The following PERM1 variants were observed in gnomAD, a reference collection of about 807,000 sequenced individuals.
The protein encoded by PERM1 is PPARGC1 and ESRR induced regulator, muscle 1.
A neutral mutation model predicts 44.1 loss-of-function variants in PERM1; 45 were observed. The observed-to-expected ratio is 1.02, with a 90% confidence interval of 0.80 to 1.31. The LOEUF is 1.31. PERM1 is among the 50% of genes most tolerant of loss of function. The probability of loss-of-function intolerance (pLI) is 0.00; values close to 1 mark genes in which losing one functional copy is unlikely to be tolerated. For synonymous variants in PERM1, 565 were observed against 477.1 expected, an observed-to-expected ratio of 1.18 and a Z score of -2.40; for missense variants, 1,189 against 1,106.9, an observed-to-expected ratio of 1.07 and a Z score of -1.05.
intron 1 of PERM1, 151 bp downstream of exon 2, chr1:978,730 C>G (rs1570070480): frequency 4.3e-6 from 3 of 705,124 alleles, no homozygotes; most frequent in East Asian, 3.0e-5. Context: ...GGACTGTGTG[C>G]TGGGATGACT....
At chr1:980,872 G>A (rs1481980951) in exon 1 of PERM1, 21 of 1,405,874 alleles carry the variant, frequency 1.5e-5, no homozygotes, top group South Asian at 5.0e-5. Flanking sequence ...GGCCCTGGGG[G>A]GACTGCTGCC....
chr1:980,322 A>G (rs1455418841), exon 1 of PERM1: 1 of 1,550,276 alleles, frequency 6.5e-7, no homozygotes, highest in South Asian at 1.2e-5. Flanking sequence ...GGCCAGGCTC[A>G]GGAGCTCCTG....
exon 1 of PERM1, chr1:979,109 C>G: frequency 6.5e-7 from 1 of 1,549,748 alleles, no homozygotes; most frequent in Admixed American, 2.0e-5. Context: ...GGCACAGGAT[C>G]AGCTCTCGGG....
intron 1 of PERM1, 49 bp from the exon 3 acceptor site, chr1:976,673 C>A: frequency 6.5e-7 from 1 of 1,543,400 alleles, no homozygotes; most frequent in South Asian, 1.2e-5. Context: ...CAGAGATGGC[C>A]CCGCACACGC....
exon 1 of PERM1, chr1:980,361 G>C: frequency 1.3e-6 from 2 of 1,550,154 alleles, no homozygotes; most frequent in Non-Finnish European, 1.7e-6. Flanking sequence ...CCTCCTGCCC[G>C]GCTTTGGCCA....
At chr1:976,250 G>A in exon 3 of PERM1, 1 of 1,526,642 alleles carries the variant, frequency 6.6e-7, no homozygotes, top group Non-Finnish European at 8.8e-7. Flanking sequence ...CAGAGATGGT[G>A]CCGACGTTGG....
At position 976,636 on chromosome 1, in the gene PERM1, G is replaced by A; in HGVS notation, c.2150-12C>T. The A allele has an allele frequency of 4.5e-6, 7 of 1,548,954 alleles. No homozygotes were observed. The highest frequency in any genetic ancestry group is 4.9e-5 in the East Asian group (2 of 40,898). ...CCCCCGGAGCTCCCCTAGGACAGAAGCTCACCTTCAGCCCCACGGCTGCAC... is the reference window on the plus strand; with the variant it reads ...CCCCCGGAGCTCCCCTAGGACAGAAACTCACCTTCAGCCCCACGGCTGCAC... On this transcript the variant is annotated splice_polypyrimidine_tract_variant and intron_variant, in intron 1 of 2. Coordinates refer to ENST00000433179, the Ensembl canonical transcript of PERM1.
chr1:979,710 C>G, exon 1 of PERM1: 2 of 1,550,296 alleles, frequency 1.3e-6, no homozygotes, highest in Non-Finnish European at 1.7e-6. Context: ...GCCCGCTGGA[C>G]TCGGTCATCC....
exon 1 of PERM1, chr1:979,326 C>G (rs1177670196): frequency 3.3e-6 from 5 of 1,529,798 alleles, no homozygotes; most frequent in Middle Eastern, 1.7e-4. Flanking sequence ...GCCCGACCCT[C>G]GTCACGGCAG....
chr1:975,693 C>T (rs1643574631), exon 3 of PERM1: 1 of 159,036 alleles, frequency 6.3e-6, no homozygotes, highest in Non-Finnish European at 1.4e-5. Flanking sequence ...CCTGTGTCCT[C>T]TCCCCTGCCT....
upstream of PERM1, chr1:981,225 C>T: frequency 2.7e-6 from 4 of 1,508,900 alleles, no homozygotes; most frequent in Non-Finnish European, 2.7e-6. Flanking sequence ...TCCTTCAAAC[C>T]TAGTGGTGAC....
exon 1 of PERM1, chr1:980,079 T>C (rs1351406716): frequency 1.3e-6 from 2 of 1,548,468 alleles, no homozygotes; most frequent in South Asian, 1.2e-5. Context: ...CGGAGGCAGG[T>C]GTAGACACAG....
chr1:978,984 C>T, exon 1 of PERM1: 1 of 1,522,100 alleles, frequency 6.6e-7, no homozygotes, highest in Non-Finnish European at 8.8e-7. Context: ...CCAGGGCCTG[C>T]AGTGGGAGCG....
chr1:975,839 C>T (rs939166346), exon 3 of PERM1: 4 of 295,902 alleles, frequency 1.4e-5, no homozygotes, highest in African/African-American at 2.2e-5. Context: ...TAAACAACAA[C>T]TTCTTAGTAA....
exon 1 of PERM1, chr1:979,628 C>G: frequency 6.5e-7 from 1 of 1,550,282 alleles, no homozygotes. Flanking sequence ...TCCACCACAT[C>G]AGGCCCAGCT....
At chr1:980,295 C>A in exon 1 of PERM1, 1 of 1,550,360 alleles carries the variant, frequency 6.5e-7, no homozygotes, top group Non-Finnish European at 8.7e-7. Flanking sequence ...GTCTGTCTTC[C>A]TGCACAGGGG....
chr1:979,976 G>T, exon 1 of PERM1: 1 of 1,549,650 alleles, frequency 6.5e-7, no homozygotes, highest in Non-Finnish European at 8.7e-7. Context: ...TCAGGTTGCG[G>T]CTCAGAGGCA....
At chr1:979,771 A>C in exon 1 of PERM1, 1 of 1,550,344 alleles carries the variant, frequency 6.5e-7, no homozygotes. Flanking sequence ...TAGCTTAGCC[A>C]CTGGGCCTGC....
exon 3 of PERM1, chr1:976,036 G>A (rs1643588676): frequency 2.4e-6 from 2 of 850,558 alleles, no homozygotes; most frequent in Non-Finnish European, 3.5e-6. Flanking sequence ...GGAGGGAGCA[G>A]CACCAGGACA....
Sources: gnomAD v4.1 joint callset for allele counts on GRCh38, gnomAD v4.1.1 for gene constraint, MANE v1.5 for transcripts, NCBI Gene and HGNC (gene_info 2026-07-23, HGNC 2026-07-21) for gene names.